TMEM132D: variants seen among roughly 807,000 people sequenced by gnomAD.
The protein encoded by TMEM132D is transmembrane protein 132D.
Under a neutral mutation model 62.3 loss-of-function variants are expected in TMEM132D, and 21 were observed. The ratio of observed to expected loss-of-function variants is 0.34; its 90% CI spans 0.24 to 0.49. TMEM132D has a LOEUF of 0.49. Ranked by LOEUF, TMEM132D falls within the 20% of genes least tolerant of loss-of-function variation. The probability of loss-of-function intolerance (pLI) is 0.99; values close to 1 mark genes in which losing one functional copy is unlikely to be tolerated. For missense variants in TMEM132D, 1,346 were observed against 1,402.8 expected, an observed-to-expected ratio of 0.96 and a Z score of 0.65; for synonymous variants, 621 against 575.6, an observed-to-expected ratio of 1.08 and a Z score of -1.13.
At chr12:129,291,093 C>T (rs758047834) in intron 4 of TMEM132D, among the ~76,000 whole-genome samples, 67 of 152,298 alleles carry the variant, frequency 4.4e-4, no homozygotes, top group African/African-American at 1.4e-3. Flanking sequence ...ATGGAATTTT[C>T]GTTGCAGGTA....
chr12:129,388,035 G>T (rs1355968023), intron 3 of TMEM132D, among the ~76,000 whole-genome samples: 1 of 107,748 alleles, frequency 9.3e-6, no homozygotes, highest in Non-Finnish European at 1.9e-5. Context: ...CACCAATCCA[G>T]CACTGATAAT....
intron 5 of TMEM132D, among the ~76,000 whole-genome samples, chr12:129,169,353 T>C (rs933424052): frequency 1.3e-5 from 2 of 150,178 alleles, no homozygotes; most frequent in South Asian, 4.1e-4. Flanking sequence ...CTGTGAGACA[T>C]GAATGGTGTG....
intron 5 of TMEM132D, among the ~76,000 whole-genome samples, chr12:129,151,162 G>T (rs12303223): frequency 6.6e-6 from 1 of 152,044 alleles, no homozygotes; most frequent in Non-Finnish European, 1.5e-5. Flanking sequence ...TTGTCCTAAT[G>T]CAGGGCATGG....
chr12:129,617,855 G>A (rs191292735), intron 2 of TMEM132D, among the ~76,000 whole-genome samples: 109 of 152,260 alleles, frequency 7.2e-4, no homozygotes, highest in Non-Finnish European at 1.4e-3. Context: ...CTAATACATG[G>A]GGGTTAATAT....
chr12:129,105,603 G>A (rs150039149), intron 5 of TMEM132D, among the ~76,000 whole-genome samples: 1,586 of 148,828 alleles, frequency 0.011, 139 homozygotes, highest in African/African-American at 0.037. Context: ...AAAAGTGGCC[G>A]AAGGACATGA....
At chr12:129,540,280 GGGGCTGC>G (rs1175811854) in intron 2 of TMEM132D, among the ~76,000 whole-genome samples, 16 of 152,124 alleles carry the variant, frequency 1.1e-4, no homozygotes, top group Non-Finnish European at 2.1e-4. Context: ...ACAGGGAGAA[GGGGCTGC>G]ACACCAGCCA....
At chr12:129,640,916 G>T (rs1385900121) in intron 2 of TMEM132D, among the ~76,000 whole-genome samples, 3 of 152,080 alleles carry the variant, frequency 2.0e-5, no homozygotes, top group African/African-American at 7.2e-5. Flanking sequence ...AGGGATCTAG[G>T]TTGCACGCTC....
intron 1 of TMEM132D, among the ~76,000 whole-genome samples, chr12:129,851,813 C>A (rs1054789381): frequency 2.0e-5 from 3 of 152,160 alleles, no homozygotes; most frequent in Non-Finnish European, 4.4e-5. Context: ...GCCACAGGGT[C>A]TTTGCCACAA....
At chr12:129,864,507 G>A (rs1197437987) in intron 1 of TMEM132D, among the ~76,000 whole-genome samples, 1 of 152,132 alleles carries the variant, frequency 6.6e-6, no homozygotes, top group Admixed American at 6.5e-5. Flanking sequence ...TTTGACCACT[G>A]AAAAAGATAA....
intron 5 of TMEM132D, among the ~76,000 whole-genome samples, chr12:129,108,696 T>C (rs1875582902): frequency 6.6e-6 from 1 of 152,216 alleles, no homozygotes; most frequent in South Asian, 2.1e-4. Flanking sequence ...TTTCCCAAAC[T>C]TCAGCAGTGC....
At chr12:129,841,487 A>G (rs1008484007) in intron 1 of TMEM132D, among the ~76,000 whole-genome samples, 1 of 152,206 alleles carries the variant, frequency 6.6e-6, no homozygotes, top group Non-Finnish European at 1.5e-5. Flanking sequence ...CCTCAAAGCC[A>G]TGAACTTCTG....
intron 2 of TMEM132D, among the ~76,000 whole-genome samples, chr12:129,623,919 G>T (rs911259445): frequency 6.6e-5 from 10 of 151,944 alleles, no homozygotes; most frequent in Middle Eastern, 3.4e-3. Context: ...TTTTCCTTTG[G>T]ATAGATACCC....
intron 1 of TMEM132D, among the ~76,000 whole-genome samples, chr12:129,801,349 T>C (rs1275348597): frequency 0.074 from 2,102 of 28,568 alleles, 27 homozygotes; most frequent in Non-Finnish European, 0.12. Context: ...AGATCTGAGA[T>C]GGGCAGACTG....
At chr12:129,109,445 C>T (rs1280385965) in intron 5 of TMEM132D, among the ~76,000 whole-genome samples, 1 of 152,164 alleles carries the variant, frequency 6.6e-6, no homozygotes, top group African/African-American at 2.4e-5. Flanking sequence ...CTTTTGCCTG[C>T]ATGTAGCAAA....
intron 1 of TMEM132D, among the ~76,000 whole-genome samples, chr12:129,791,331 A>T (rs1255093689): frequency 6.6e-6 from 1 of 152,236 alleles, no homozygotes; most frequent in African/African-American, 2.4e-5. Context: ...ATATACCTGC[A>T]GCCTGACAAC....
At chr12:129,850,679 A>C (rs1323602572) in intron 1 of TMEM132D, among the ~76,000 whole-genome samples, 1 of 152,210 alleles carries the variant, frequency 6.6e-6, no homozygotes, top group Non-Finnish European at 1.5e-5. Context: ...AGTTGAATAA[A>C]GATCAGTAAT....
chr12:129,237,780 A>G (rs1879824310), intron 4 of TMEM132D, among the ~76,000 whole-genome samples: 4 of 151,978 alleles, frequency 2.6e-5, no homozygotes. Context: ...GGAGTTTGAG[A>G]CCAGCCTGGC....
intron 2 of TMEM132D, among the ~76,000 whole-genome samples, chr12:129,682,584 T>C (rs1880805749): frequency 6.6e-6 from 1 of 152,044 alleles, no homozygotes; most frequent in Non-Finnish European, 1.5e-5. Flanking sequence ...GTCACTGTAA[T>C]TTGCAGTGAC....
rs780671916 is a variant in TMEM132D at position 129,531,135 on chromosome 12, CCTT to C, written c.1036_1038del (p.Lys346del). The C allele has an allele frequency of 2.5e-6, 4 of 1,614,058 alleles. No homozygotes were observed. Among genetic ancestry groups the C allele is most frequent in the Non-Finnish European group, 3.4e-6 (4 of 1,179,980 alleles). On this transcript the variant is annotated inframe_deletion, in exon 3 of 9. Coordinates refer to ENST00000422113, the MANE Select transcript of TMEM132D (RefSeq NM_133448.3). ...TACTTTCCAGTATAATCCGTGCGCTCCTTGACATCCCAAATGGAAGGGCTGCTG... is the reference window on the plus strand; with the variant it reads ...TACTTTCCAGTATAATCCGTGCGCTCGACATCCCAAATGGAAGGGCTGCTG...
Sources: allele counts gnomAD v4.1 joint callset (sites outside exome capture counted in the v4.1 genomes callset), GRCh38; gene constraint gnomAD v4.1.1; transcripts MANE v1.5; gene names NCBI Gene and HGNC (gene_info 2026-07-23, HGNC 2026-07-21).